C2orf76: variants seen among roughly 807,000 people sequenced by gnomAD.
C2orf76 encodes the protein UPF0538 protein C2orf76.
C2orf76 carries 23 observed loss-of-function variants against 16.9 expected under a neutral mutation model. The observed-to-expected ratio is 1.36, with a 90% CI of 0.98 to 1.93. The LOEUF is 1.93. Among genes scored for constraint, C2orf76 ranks in the 30% most tolerant of loss-of-function variants. The pLI is 0.00. For missense variants in C2orf76, 152 were observed against 152.6 expected, an observed-to-expected ratio of 1.00 and a Z score of 0.02; for synonymous variants, 48 against 52.3, an observed-to-expected ratio of 0.92 and a Z score of 0.35.
downstream of C2orf76, among the ~76,000 whole-genome samples, chr2:119,301,482 C>G (rs7571381): frequency 0.46 from 70,592 of 151,944 alleles, 16,520 homozygotes; most frequent in African/African-American, 0.53. Context: ...AATGGCAGAG[C>G]CGGCTAAGCC....
chr2:119,350,638 G>A lies in C2orf76; in HGVS notation c.-12-10667C>T, dbSNP rs188366121. 3.2e-3 allele frequency among the ~76,000 whole-genome samples: 481 copies of A among 152,334 alleles called. 1 individual carries two copies. The highest frequency in any genetic ancestry group is 6.4e-3 in the Admixed American group (98 of 15,298). On this transcript the variant is annotated intron_variant, in intron 1 of 5. Coordinates refer to ENST00000334816, the MANE Select transcript of C2orf76 (RefSeq NM_001322331.2). ...GCTGCTTTTTTGGTCCAAGCTGCAA[G>A]GATGGTGAGGAGGGAAGCATAGCTT...
chr2:119,315,766 C>T (rs1274980511), intron 4 of C2orf76, among the ~76,000 whole-genome samples: 1 of 152,164 alleles, frequency 6.6e-6, no homozygotes, highest in Non-Finnish European at 1.5e-5. Context: ...TAAACAAATA[C>T]ATTGTTCAAC....
At chr2:119,283,582 C>A in the C2orf76 span, among the ~76,000 whole-genome samples, 2 of 152,294 alleles carry the variant, frequency 1.3e-5, no homozygotes, top group African/African-American at 4.8e-5. Context: ...TCAAGCGATT[C>A]TCCTGCCCCA....
chr2:119,307,655 T>A (rs954279003), intron 5 of C2orf76, among the ~76,000 whole-genome samples: 6 of 151,732 alleles, frequency 4.0e-5, no homozygotes, highest in Non-Finnish European at 8.8e-5. Context: ...CTTGCCGGAG[T>A]TCGGAGTTAG....
chr2:119,288,742 C>T, the C2orf76 span, among the ~76,000 whole-genome samples: 2 of 151,948 alleles, frequency 1.3e-5, no homozygotes, highest in Non-Finnish European at 2.9e-5. Context: ...ACCTGGAAGC[C>T]GCAGGCCTTG....
intron 1 of C2orf76, among the ~76,000 whole-genome samples, chr2:119,347,811 C>T (rs910883094): frequency 1.3e-5 from 2 of 151,940 alleles, no homozygotes; most frequent in Non-Finnish European, 2.9e-5. Flanking sequence ...AATAATACAG[C>T]GCTCCCATTT....
chr2:119,342,271 C>A lies in C2orf76; in HGVS notation c.-12-2300G>T, dbSNP rs115967507. 4.0e-3 allele frequency among the ~76,000 whole-genome samples: 614 copies of A among 152,236 alleles called. 7 individuals carry two copies. Among genetic ancestry groups the A allele is most frequent in the Middle Eastern group, 0.014 (4 of 294 alleles). On this transcript the variant is annotated intron_variant, in intron 1 of 5. Coordinates refer to ENST00000334816, the MANE Select transcript of C2orf76 (RefSeq NM_001322331.2). ...TGCAGAAGAATCAGAGCATCCTGTA[C>A]TATCATTTATACAAAGTTCATAAAC... is the stretch of plus-strand genomic sequence containing the variant.
chr2:119,332,970 T>C (rs1230644816), intron 2 of C2orf76, among the ~76,000 whole-genome samples: 1 of 152,210 alleles, frequency 6.6e-6, no homozygotes, highest in Non-Finnish European at 1.5e-5. Flanking sequence ...TGCATTCAAG[T>C]GATCCTCCCG....
downstream of C2orf76, among the ~76,000 whole-genome samples, chr2:119,301,077 AC>A (rs1378223101): frequency 6.4e-5 from 1 of 15,634 alleles, no homozygotes; most frequent in Non-Finnish European, 1.2e-4. Context: ...CTTCTTAAAA[AC>A]ACACACACAC....
upstream of C2orf76, chr2:119,367,008 C>G (rs200879082): frequency 9.9e-5 from 159 of 1,613,314 alleles, no homozygotes; most frequent in Admixed American, 2.6e-3. Context: ...TCCTGGTCCT[C>G]GCCTCCTCCG....
At chr2:119,366,120 C>A (rs1033051135) in intron 1 of C2orf76, among the ~76,000 whole-genome samples, 5 of 152,122 alleles carry the variant, frequency 3.3e-5, no homozygotes, top group Non-Finnish European at 5.9e-5. Context: ...CTCTAAGCCC[C>A]TAAAGTACTC....
At chr2:119,334,679 A>G (rs938184777) in intron 2 of C2orf76, among the ~76,000 whole-genome samples, 2 of 140,290 alleles carry the variant, frequency 1.4e-5, no homozygotes, top group Admixed American at 7.2e-5. Flanking sequence ...AACTGGAATG[A>G]GACTCTCTCT....
At chr2:119,311,097 A>G (rs1240416609) in intron 5 of C2orf76, 11 of 927,002 alleles carry the variant, frequency 1.2e-5, no homozygotes, top group Non-Finnish European at 1.4e-5. Context: ...TTTATTTAGA[A>G]TAAAACCACA....
At chr2:119,351,802 G>A (rs1680415990) in intron 1 of C2orf76, among the ~76,000 whole-genome samples, 1 of 152,106 alleles carries the variant, frequency 6.6e-6, no homozygotes, top group Admixed American at 6.5e-5. Context: ...ACTTCAGCTG[G>A]GAATGTATTG....
In C2orf76 at chr2:119,312,860, T is replaced by G. The variant is rs149466005; in HGVS notation, c.223-1157A>C. Among the ~76,000 whole-genome samples, 391 of 152,040 alleles carry G rather than the reference T, an allele frequency of 2.6e-3. 17 individuals are homozygous for G. In the East Asian group the frequency reaches 0.066, roughly 26 times the overall value. ...GGCTAACATGGTAAAACCCCGTCTC[T>G]ATTAAAAATACAAAAAAATTAGCCG... is the stretch of plus-strand genomic sequence containing the variant. On this transcript the variant is annotated intron_variant, in intron 4 of 5. Coordinates refer to ENST00000334816, the MANE Select transcript of C2orf76 (RefSeq NM_001322331.2).
At chr2:119,298,520 C>G (rs1265847092), downstream of C2orf76, among the ~76,000 whole-genome samples, 20 of 151,820 alleles carry the variant, frequency 1.3e-4, no homozygotes, top group Admixed American at 1.3e-3. Flanking sequence ...ACCCTTTCTT[C>G]TAGCCTACGT....
At chr2:119,290,242 A>G in the C2orf76 span, among the ~76,000 whole-genome samples, 1 of 151,762 alleles carries the variant, frequency 6.6e-6, no homozygotes, top group Non-Finnish European at 1.5e-5. Flanking sequence ...GAATTTTTTA[A>G]GCACCTCACC....
chr2:119,343,508 ACACACACT>A (rs1355716600), intron 1 of C2orf76, among the ~76,000 whole-genome samples: 2 of 149,480 alleles, frequency 1.3e-5, no homozygotes, highest in African/African-American at 5.0e-5. Flanking sequence ...ACACACACAC[ACACACACT>A]GGGAAGCGCT....
chr2:119,316,424 G>T (rs1679175559), intron 4 of C2orf76, among the ~76,000 whole-genome samples: 1 of 152,238 alleles, frequency 6.6e-6, no homozygotes, highest in Non-Finnish European at 1.5e-5. Flanking sequence ...CAGTGAAACT[G>T]ATTTTGGACT....
Sources: allele counts gnomAD v4.1 joint callset (sites outside exome capture counted in the v4.1 genomes callset), GRCh38; gene constraint gnomAD v4.1.1; transcripts MANE v1.5; gene names NCBI Gene and HGNC (gene_info 2026-07-23, HGNC 2026-07-21).